The following DCUN1D4 variants were observed in gnomAD, a reference collection of about 807,000 sequenced individuals.
The protein encoded by DCUN1D4 is defective in cullin neddylation 1 domain containing 4.
Under a neutral mutation model 47.9 loss-of-function variants are expected in DCUN1D4, and 22 were observed. The observed-to-expected ratio is 0.46, with a 90% confidence interval of 0.33 to 0.66. The LOEUF (loss-of-function observed/expected upper bound fraction) is 0.66. Ranked by LOEUF, DCUN1D4 falls within the 30% of genes least tolerant of loss-of-function variation. The pLI is 0.02. For synonymous variants in DCUN1D4, 121 were observed against 112.2 expected, an observed-to-expected ratio of 1.08 and a Z score of -0.50; for missense variants, 301 against 340.8, an observed-to-expected ratio of 0.88 and a Z score of 0.92.
chr4:51,896,503 G>C (rs1475376780), intron 7 of DCUN1D4, among the ~76,000 whole-genome samples: 1 of 151,918 alleles, frequency 6.6e-6, no homozygotes, highest in East Asian at 1.9e-4. Context: ...GAAGAACAGG[G>C]ACCTCGACCT....
chr4:51,898,768 A>T (rs559707030), intron 7 of DCUN1D4, among the ~76,000 whole-genome samples: 1 of 152,356 alleles, frequency 6.6e-6, no homozygotes, highest in African/African-American at 2.4e-5. Context: ...AAAAAGGCAG[A>T]GAACTCTTCT....
intron 3 of DCUN1D4, among the ~76,000 whole-genome samples, chr4:51,873,614 G>T (rs978196863): frequency 6.6e-6 from 1 of 152,236 alleles, no homozygotes; most frequent in Non-Finnish European, 1.5e-5. Flanking sequence ...TAAGACCTCA[G>T]TAAGTGTTCA....
intron 8 of DCUN1D4, chr4:51,908,949 G>A: frequency 2.2e-6 from 1 of 456,304 alleles, no homozygotes; most frequent in South Asian, 1.5e-5. Context: ...ATTGCGAGCT[G>A]CTGGCTGGCA....
intron 6 of DCUN1D4, among the ~76,000 whole-genome samples, chr4:51,891,428 A>C (rs1730411902): frequency 6.6e-6 from 1 of 152,242 alleles, no homozygotes; most frequent in African/African-American, 2.4e-5. Flanking sequence ...TAGACCTATA[A>C]GATAACTTGC....
chr4:51,860,656 G>A (rs111898993), intron 1 of DCUN1D4: 11,790 of 455,054 alleles, frequency 0.026, 211 homozygotes, highest in Middle Eastern at 0.044. Context: ...GAGCGAGAGA[G>A]AGAAAGGGTG....
intron 5 of DCUN1D4, 88 bp downstream of exon 5, chr4:51,877,942 A>G: frequency 4.3e-6 from 4 of 933,748 alleles, no homozygotes; most frequent in Non-Finnish European, 6.3e-6. Flanking sequence ...AAATGTGTAC[A>G]TTTCAAATTT....
chr4:51,899,744 T>C (rs915228345), intron 8 of DCUN1D4, among the ~76,000 whole-genome samples: 3 of 152,224 alleles, frequency 2.0e-5, no homozygotes, highest in African/African-American at 7.2e-5. Context: ...GCTAATCATA[T>C]CTAATTCAGA....
At chr4:51,853,671 TATTTA>T (rs1398806029) in intron 1 of DCUN1D4, among the ~76,000 whole-genome samples, 1 of 152,238 alleles carries the variant, frequency 6.6e-6, no homozygotes, top group Non-Finnish European at 1.5e-5. Flanking sequence ...CACCCATTTT[TATTTA>T]ATTGATCTGG....
In DCUN1D4 at chr4:51,914,051, T is replaced by G. The variant is rs1174959467; in HGVS notation, c.*467T>G. The G allele has an allele frequency of 6.5e-6, 1 of 154,066 alleles. No individual in the cohort carries two copies. Among genetic ancestry groups the G allele is most frequent in the Non-Finnish European group, 1.4e-5 (1 of 69,008 alleles). The allele number at this position is 154,066 out of a possible 1,614,324, so 9.5% of individuals were successfully genotyped here. A position where few individuals can be genotyped will look rare whatever the true frequency, so the allele number is the denominator to read the frequency against. ...CAAACATTGCCAGAATTAACCTTAC[T>G]GTTTAAGAGGCCAACTTCTGGAAGG... On this transcript the variant is annotated 3_prime_UTR_variant, in exon 11 of 11. Transcript: ENST00000334635.
intron 8 of DCUN1D4, among the ~76,000 whole-genome samples, chr4:51,908,589 G>A (rs544139036): frequency 1.1e-4 from 16 of 151,404 alleles, no homozygotes; most frequent in Non-Finnish European, 1.9e-4. Flanking sequence ...AATTTGTTAC[G>A]GTGATTTTTT....
chr4:51,838,434 T>A (rs560212128), upstream of DCUN1D4, among the ~76,000 whole-genome samples: 87 of 152,156 alleles, frequency 5.7e-4, no homozygotes, highest in Non-Finnish European at 1.2e-3. Context: ...AAGGCTGGAG[T>A]GCAGTGGCGT....
At position 51,848,236 on chromosome 4, in the gene DCUN1D4, A is replaced by G. The variant is rs1722853084; in HGVS notation, c.25+4969A>G. ...GTTTTAGAGAATGTGGCGTGGAGAA[A>G]TTCTCAAGGAAAGAGTAAAATGCTG... On this transcript the variant is annotated intron_variant, in intron 1 of 10. Coordinates refer to ENST00000334635, the MANE Select transcript of DCUN1D4 (RefSeq NM_001040402.3). 3 of 1,289,250 alleles carry G rather than the reference A, an allele frequency of 2.3e-6. No individual in the cohort carries two copies. The South Asian group carries it at 3.7e-5, about 16-fold the overall frequency. 79.9% of individuals were successfully genotyped at this position (1,289,250 alleles called of 1,614,324 possible).
chr4:51,907,398 C>T (rs1450018386), intron 8 of DCUN1D4, among the ~76,000 whole-genome samples: 1 of 152,162 alleles, frequency 6.6e-6, no homozygotes, highest in Non-Finnish European at 1.5e-5. Flanking sequence ...GAGCTTTTTA[C>T]AGCCCTCTAT....
At chr4:51,892,523 A>T (rs991197092) in intron 7 of DCUN1D4, among the ~76,000 whole-genome samples, 3 of 152,214 alleles carry the variant, frequency 2.0e-5, no homozygotes. Context: ...TGATATCTCT[A>T]TATATTCTGA....
At chr4:51,850,574 A>T (rs1371829720) in intron 1 of DCUN1D4, among the ~76,000 whole-genome samples, 1 of 152,112 alleles carries the variant, frequency 6.6e-6, no homozygotes, top group Non-Finnish European at 1.5e-5. Flanking sequence ...CTGTTCAGTC[A>T]CCAAGTGTTT....
Position 51,902,220 on chromosome 4 carries a change from G to A in DCUN1D4, c.615+2842G>A, listed in dbSNP as rs115533860. 9.5e-3 allele frequency among the ~76,000 whole-genome samples: 1,439 copies of A among 152,202 alleles called. 25 individuals are homozygous for A. Among genetic ancestry groups the A allele is most frequent in the African/African-American group, 0.033 (1,387 of 41,508 alleles). On this transcript the variant is annotated intron_variant, in intron 8 of 10. Coordinates refer to ENST00000334635, the MANE Select transcript of DCUN1D4 (RefSeq NM_001040402.3). ...GTCTGCTGCGGTGAATATTTTATGC[G>A]TACTTTAAAAGAATGAATATTCTGC...
chr4:51,861,266 T>C (rs1702751256), intron 1 of DCUN1D4, among the ~76,000 whole-genome samples: 1 of 152,124 alleles, frequency 6.6e-6, no homozygotes, highest in South Asian at 2.1e-4. Flanking sequence ...TGTGTGTGTG[T>C]GCAAGTGTGT....
intron 8 of DCUN1D4, among the ~76,000 whole-genome samples, chr4:51,903,880 T>C (rs1315604321): frequency 6.6e-6 from 1 of 152,210 alleles, no homozygotes; most frequent in African/African-American, 2.4e-5. Flanking sequence ...ATAATATTTT[T>C]TTCTGCTTCG....
intron 1 of DCUN1D4, among the ~76,000 whole-genome samples, chr4:51,850,988 A>G (rs926651653): frequency 7.2e-5 from 11 of 152,188 alleles, no homozygotes; most frequent in African/African-American, 2.7e-4. Context: ...GGCAAAAATC[A>G]TAAGTGGTCC....
Sources: gnomAD v4.1 joint callset for allele counts (sites outside exome capture counted in the v4.1 genomes callset) on GRCh38, gnomAD v4.1.1 for gene constraint, MANE v1.5 for transcripts, NCBI Gene and HGNC (gene_info 2026-07-23, HGNC 2026-07-21) for gene names.